ARHGEF2: variants seen among roughly 807,000 people sequenced by gnomAD.
The protein encoded by ARHGEF2 is rho guanine nucleotide exchange factor 2.
Under a neutral mutation model 121.0 loss-of-function variants are expected in ARHGEF2, and 22 were observed. The observed-to-expected ratio is 0.18, with a 90% CI of 0.13 to 0.26. ARHGEF2 has a LOEUF of 0.26. ARHGEF2 is among the 10% of genes least tolerant of loss of function. ARHGEF2 has a pLI of 1.00. For synonymous variants in ARHGEF2, 487 were observed against 530.0 expected (o/e 0.92, Z 1.11); for missense variants, 907 against 1,336.0 (o/e 0.68, Z 5.01).
At chr1:155,958,207 T>G in intron 12 of ARHGEF2, 113 bp downstream of exon 12, 2 of 801,786 alleles carry the variant, frequency 2.5e-6, no homozygotes, top group Non-Finnish European at 4.2e-6. Flanking sequence ...ATAGTAACAA[T>G]TATAGCTGTT....
At chr1:155,970,825 C>A in intron 1 of ARHGEF2, 1 of 986,278 alleles carries the variant, frequency 1.0e-6, no homozygotes, top group Non-Finnish European at 1.2e-6. Flanking sequence ...AGATCCTTCT[C>A]TTTCCTGCCT....
intron 7 of ARHGEF2, among the ~76,000 whole-genome samples, chr1:155,964,155 AAAAAAAAAAAAAATAT>A (rs1393394048): frequency 2.2e-4 from 8 of 36,402 alleles, no homozygotes; most frequent in Non-Finnish European, 4.0e-4. Context: ...AAAAAAAAAA[AAAAAAAAAAAAAATAT>A]ATATATATAT....
chr1:155,978,760 G>T, upstream of ARHGEF2: 1 of 813,454 alleles, frequency 1.2e-6, no homozygotes, highest in Non-Finnish European at 1.5e-6. The surrounding 1 kb of genome is among the most constrained non-coding windows in gnomAD (Gnocchi z 4.1). Flanking sequence ...GCCTGGGGGC[G>T]CCCTCTAGCC....
In ARHGEF2 at chr1:155,950,895, A is replaced by G. The variant is rs778265070; in HGVS notation, c.2637T>C (p.Pro879=). The part of the protein sequence containing the change: ...LPAEAPWARR[P]VDPRRRSLPA... ...GGAGGCTGCGCCGCCGAGGATCCAC[A>G]GGTCTGCGGGCCCAGGGGGCCTCAG... The change falls in exon 20 of 22, where the codon CCT becomes CCC. Residue 879 remains proline, a synonymous_variant. Coordinates refer to ENST00000361247, the MANE Select transcript of ARHGEF2 (RefSeq NM_001162383.2). The surrounding 1 kb of genome is among the most constrained non-coding windows in gnomAD (Gnocchi z 5.2). 5 of 1,581,458 alleles carry G rather than the reference A, an allele frequency of 3.2e-6. No homozygotes were observed. The highest frequency in any genetic ancestry group is 4.3e-6 in the Non-Finnish European group (5 of 1,164,046).
At chr1:155,948,459 A>C (rs1431462537) in intron 21 of ARHGEF2, among the ~76,000 whole-genome samples, 1 of 151,952 alleles carries the variant, frequency 6.6e-6, no homozygotes, top group African/African-American at 2.4e-5. Flanking sequence ...GTGAAACCCC[A>C]TCTCTACTAA....
chr1:155,950,680 C>CT lies in ARHGEF2; in HGVS notation c.2703+148dup. On this transcript the variant is annotated intron_variant, in intron 20 of 21. Transcript: ENST00000361247. The surrounding 1 kb of genome is among the most constrained non-coding windows in gnomAD (Gnocchi z 5.2). ...TCCACCCCTGCACCCATCTACATTT[C>CT]TTTTCAGTTCTCCAACCAGTATCTC... The CT allele has an allele frequency of 9.8e-7, 1 of 1,019,724 alleles. No homozygotes were observed. Among genetic ancestry groups the CT allele is most frequent in the Non-Finnish European group, 1.4e-6 (1 of 693,820 alleles). The allele number at this position is 1,019,724 out of a possible 1,614,324, so 63.2% of individuals were successfully genotyped here. A position where few individuals can be genotyped will look rare whatever the true frequency, so the allele number is the denominator to read the frequency against.
chr1:155,967,528 C>T (rs2102677735), intron 2 of ARHGEF2, among the ~76,000 whole-genome samples: 1 of 152,240 alleles, frequency 6.6e-6, no homozygotes, highest in African/African-American at 2.4e-5. Flanking sequence ...ACCACATGCC[C>T]TGGACTCTGG....
upstream of ARHGEF2, among the ~76,000 whole-genome samples, chr1:155,979,587 G>A (rs1358983690): frequency 2.0e-5 from 3 of 152,230 alleles, no homozygotes; most frequent in Non-Finnish European, 4.4e-5. Flanking sequence ...CTGGGACAGA[G>A]CCTTCGGTTA....
chr1:155,977,805 C>T (rs183885088), intron 1 of ARHGEF2, among the ~76,000 whole-genome samples: 24 of 152,326 alleles, frequency 1.6e-4, no homozygotes, highest in Admixed American at 1.4e-3. Flanking sequence ...CTGGAAAGTC[C>T]ATTTGCGAGG....
At chr1:155,979,311 C>G, upstream of ARHGEF2, 7 of 985,422 alleles carry the variant, frequency 7.1e-6, no homozygotes, top group African/African-American at 1.7e-5. Context: ...CTCTCTGTTG[C>G]AAGTTAAGCC....
chr1:155,960,737 A>G (rs1433861155), intron 11 of ARHGEF2, among the ~76,000 whole-genome samples: 2 of 152,204 alleles, frequency 1.3e-5, no homozygotes, highest in African/African-American at 4.8e-5. Context: ...ACAGGTACAG[A>G]GGCTCAGGCA....
At chr1:155,958,263 CAAG>C in intron 12 of ARHGEF2, 54 bp downstream of exon 12, 1 of 1,477,862 alleles carries the variant, frequency 6.8e-7, no homozygotes, top group South Asian at 1.1e-5. Flanking sequence ...GGCAGGAAAG[CAAG>C]AAGAGACTAA....
intron 4 of ARHGEF2, 102 bp downstream of exon 4, chr1:155,966,314 T>C: frequency 8.8e-7 from 1 of 1,138,122 alleles, no homozygotes; most frequent in African/African-American, 1.5e-5. Context: ...AAGAGGAAGG[T>C]GCTATGCCTG....
Position 155,951,386 on chromosome 1 carries a change from T to C in ARHGEF2, c.2259+97A>G. The C allele has an allele frequency of 3.2e-6, 5 of 1,582,920 alleles. No individual in the cohort carries two copies. On this transcript the variant is annotated intron_variant, in intron 19 of 21. Transcript: ENST00000361247. This position sits in a 1 kb window ranked among gnomAD's most constrained non-coding sequence, Gnocchi z 5.1. Reference sequence around the variant, plus strand: ...TCCTGGAGAGCTTGGATTGGGAGGGTATTTAGAAAGGCCTGTTGGGATGAC... The same window carrying C: ...TCCTGGAGAGCTTGGATTGGGAGGGCATTTAGAAAGGCCTGTTGGGATGAC...
rs372203848 is a variant in ARHGEF2 at position 155,952,212 on chromosome 1, C to T, written c.2008G>A (p.Val670Met). The T allele has an allele frequency of 8.7e-6, 14 of 1,614,060 alleles. No individual in the cohort carries two copies. Among genetic ancestry groups the T allele is most frequent in the Non-Finnish European group, 1.2e-5 (14 of 1,180,038 alleles). Residue 670 changes from valine to methionine, a missense_variant, in exon 16 of 22, where the codon GTG becomes ATG. Physicochemically the swap from Val to Met is conservative, Grantham distance 21. Around this residue, in one of 2 missense-constraint regions of ARHGEF2, gnomAD observed 432 missense variants for 559.5 expected, o/e 0.77. Coordinates refer to ENST00000361247, the MANE Select transcript of ARHGEF2 (RefSeq NM_001162383.2). ...REVEGLKDLLVGPGVELLLTP... is the reference protein window; with the variant it reads ...REVEGLKDLLMGPGVELLLTP... ...AAGAGCAGTTCCACTCCTGGCCCCA[C>T]CAGCAGGTCTTTCAGACCCTCCACT...
chr1:155,977,098 A>ACT (rs1460221635), intron 1 of ARHGEF2, among the ~76,000 whole-genome samples: 4 of 152,090 alleles, frequency 2.6e-5, no homozygotes, highest in African/African-American at 4.8e-5. Context: ...CCTAAGGGGT[A>ACT]CTGCTCCCTT....
intron 11 of ARHGEF2, among the ~76,000 whole-genome samples, chr1:155,959,736 G>C (rs1278498055): frequency 6.6e-6 from 1 of 151,954 alleles, no homozygotes; most frequent in Non-Finnish European, 1.5e-5. Flanking sequence ...GTAGAGATGG[G>C]GTTTCACCAT....
intron 7 of ARHGEF2, among the ~76,000 whole-genome samples, chr1:155,963,947 C>A: frequency 6.6e-6 from 1 of 150,492 alleles, no homozygotes; most frequent in South Asian, 2.1e-4. Context: ...GTGTTCGAGA[C>A]CAGCTTGGCC....
chr1:155,979,371 C>A (rs895659543), upstream of ARHGEF2: 3 of 971,354 alleles, frequency 3.1e-6, no homozygotes, highest in Non-Finnish European at 3.7e-6. Flanking sequence ...AAAGTTAGGG[C>A]CCAACCAGCC....
Sources: gnomAD v4.1 joint callset for allele counts (sites outside exome capture counted in the v4.1 genomes callset) on GRCh38, gnomAD v4.1.1 for gene constraint, gnomAD v4.1.1 regional missense constraint, Gnocchi (gnomAD v3.1) non-coding constraint, MANE v1.5 for transcripts, NCBI Gene and HGNC (gene_info 2026-07-23, HGNC 2026-07-21) for gene names.